MAD1L1: variants seen among roughly 807,000 people sequenced by gnomAD.
MAD1L1 encodes the protein mitotic spindle assembly checkpoint protein MAD1.
MAD1L1 carries 95 observed loss-of-function variants against 96.9 expected under a neutral mutation model. The ratio of observed to expected loss-of-function variants is 0.98; its 90% CI spans 0.83 to 1.16. The LOEUF (loss-of-function observed/expected upper bound fraction) is 1.16. Among genes scored for constraint, MAD1L1 ranks in the 50% most tolerant of loss-of-function variants. MAD1L1 has a pLI of 0.00. For missense variants in MAD1L1, 1,007 were observed against 954.4 expected, an observed-to-expected ratio of 1.06 and a Z score of -0.73; for synonymous variants, 473 against 396.6, an observed-to-expected ratio of 1.19 and a Z score of -2.29.
intron 11 of MAD1L1, among the ~76,000 whole-genome samples, chr7:2,079,213 G>A (rs1438635824): frequency 6.6e-6 from 1 of 152,192 alleles, no homozygotes; most frequent in Non-Finnish European, 1.5e-5. Flanking sequence ...CTCCTCCCTG[G>A]GGGGCAGGTT....
At chr7:2,206,059 G>A (rs1480525822) in intron 10 of MAD1L1, among the ~76,000 whole-genome samples, 1 of 152,204 alleles carries the variant, frequency 6.6e-6, no homozygotes, top group Admixed American at 6.5e-5. Context: ...TTGAACCTGG[G>A]AGGCGGAGGT....
intron 12 of MAD1L1, among the ~76,000 whole-genome samples, chr7:2,044,633 C>A (rs7796768): frequency 2.8e-3 from 431 of 152,222 alleles, no homozygotes; most frequent in African/African-American, 9.7e-3. Flanking sequence ...CCCAGGCGAT[C>A]GACCACACAA....
intron 10 of MAD1L1, chr7:2,209,932 G>GC (rs1278464641): frequency 3.3e-5 from 5 of 152,264 alleles, no homozygotes; most frequent in Admixed American, 1.3e-4. Flanking sequence ...GGCCCCCGTG[G>GC]CCCCAGCTTC....
intron 16 of MAD1L1, among the ~76,000 whole-genome samples, chr7:1,953,936 C>A (rs1779612927): frequency 6.6e-6 from 1 of 152,196 alleles, no homozygotes; most frequent in Non-Finnish European, 1.5e-5. Context: ...GCCCGCCCAG[C>A]CAGAAGGTCA....
chr7:1,923,439 T>C (rs957180318), intron 17 of MAD1L1, among the ~76,000 whole-genome samples: 3 of 152,168 alleles, frequency 2.0e-5, no homozygotes, highest in African/African-American at 7.2e-5. Context: ...AATCCTGCGC[T>C]CTTCCGCCCC....
intron 18 of MAD1L1, among the ~76,000 whole-genome samples, chr7:1,852,369 C>T (rs559403946): frequency 8.3e-4 from 126 of 152,278 alleles, no homozygotes; most frequent in Middle Eastern, 3.4e-3. Context: ...GTCTCTGCCA[C>T]CCTTAGACTC....
chr7:2,116,599 G>A (rs1421280611), intron 11 of MAD1L1, among the ~76,000 whole-genome samples: 1 of 151,022 alleles, frequency 6.6e-6, no homozygotes, highest in East Asian at 1.9e-4. Flanking sequence ...GTGTACACAG[G>A]GCTGCAGGAG....
chr7:2,139,241 CCT>C (rs149342542), intron 11 of MAD1L1, among the ~76,000 whole-genome samples: 1,526 of 152,268 alleles, frequency 0.01, 22 homozygotes, highest in African/African-American at 0.035. Context: ...GGCCCGACCC[CCT>C]GAGCCAGCAA....
At chr7:1,954,281 C>T (rs906286587) in intron 16 of MAD1L1, among the ~76,000 whole-genome samples, 3 of 152,180 alleles carry the variant, frequency 2.0e-5, no homozygotes, top group Admixed American at 6.5e-5. Context: ...GGGAAAGGCC[C>T]GTGCCCTCCA....
intron 10 of MAD1L1, among the ~76,000 whole-genome samples, chr7:2,195,727 G>T (rs953058034): frequency 6.6e-6 from 1 of 152,232 alleles, no homozygotes; most frequent in African/African-American, 2.4e-5. Flanking sequence ...AGTAATTACT[G>T]CTCTTACTCT....
At chr7:2,207,941 G>A (rs778464810) in intron 10 of MAD1L1, among the ~76,000 whole-genome samples, 7 of 152,194 alleles carry the variant, frequency 4.6e-5, no homozygotes, top group Non-Finnish European at 8.8e-5. Context: ...GTGTGCAGAT[G>A]AGGCTGCAGG....
chr7:1,970,482 C>T (rs941456917), intron 15 of MAD1L1, among the ~76,000 whole-genome samples: 1 of 151,812 alleles, frequency 6.6e-6, no homozygotes. Flanking sequence ...TACAGGCACG[C>T]GCCACCACGC....
At chr7:2,073,080 C>A (rs1785213576) in intron 11 of MAD1L1, among the ~76,000 whole-genome samples, 2 of 152,206 alleles carry the variant, frequency 1.3e-5, no homozygotes, top group African/African-American at 4.8e-5. Flanking sequence ...CTCAGGCCCA[C>A]ATCCCACTCT....
rs908368158 is a variant in MAD1L1, at chr7:2,103,030, G to A, written c.1074-33692C>T. On this transcript the variant is annotated intron_variant, in intron 11 of 18. Transcript: ENST00000265854. This position sits in a 1 kb window ranked among gnomAD's most constrained non-coding sequence, Gnocchi z 4.3. ...ACTCAGAGGAGGCAGCCTCCGTGAT[G>A]CTGCCAACACCTGGGTCAGCGCTGG... Among the ~76,000 whole-genome samples, 1 of 152,210 alleles carries A rather than the reference G, an allele frequency of 6.6e-6. No individual in the cohort carries two copies. The highest frequency in any genetic ancestry group is 2.4e-5 in the African/African-American group (1 of 41,456).
chr7:2,157,212 A>C (rs571200258), intron 10 of MAD1L1, among the ~76,000 whole-genome samples: 1 of 152,358 alleles, frequency 6.6e-6, no homozygotes, highest in South Asian at 2.1e-4. Context: ...TATTTTAAGA[A>C]TAGAAATCAA....
At chr7:2,082,347 G>A (rs1023049839) in intron 11 of MAD1L1, among the ~76,000 whole-genome samples, 12 of 152,062 alleles carry the variant, frequency 7.9e-5, no homozygotes, top group African/African-American at 2.9e-4. Context: ...GGGAGAGAGC[G>A]GGAGAGACAG....
At chr7:2,041,690 A>C (rs899723519) in intron 12 of MAD1L1, among the ~76,000 whole-genome samples, 3 of 152,246 alleles carry the variant, frequency 2.0e-5, no homozygotes, top group African/African-American at 7.2e-5. Context: ...GAGTTGAATG[A>C]AACCAGATGA....
At chr7:1,928,158 G>T (rs533900956) in intron 17 of MAD1L1, among the ~76,000 whole-genome samples, 7 of 148,258 alleles carry the variant, frequency 4.7e-5, no homozygotes, top group Admixed American at 4.7e-4. Context: ...AGCCCATGAC[G>T]GAACTCCCGC....
chr7:1,901,720 C>T (rs1213559276), intron 17 of MAD1L1, among the ~76,000 whole-genome samples: 1 of 152,188 alleles, frequency 6.6e-6, no homozygotes, highest in Non-Finnish European at 1.5e-5. Flanking sequence ...TCCAGGGCTA[C>T]CCCAGGCTTA....
Sources: gnomAD v4.1 joint callset for allele counts (sites outside exome capture counted in the v4.1 genomes callset) on GRCh38, gnomAD v4.1.1 for gene constraint, Gnocchi (gnomAD v3.1) non-coding constraint, MANE v1.5 for transcripts, NCBI Gene and HGNC (gene_info 2026-07-23, HGNC 2026-07-21) for gene names.